Variants in LARGE1 observed in about 807,000 individuals in gnomAD.
The protein encoded by LARGE1 is xylosyl- and glucuronyltransferase LARGE1.
LARGE1 carries 43 observed loss-of-function variants against 87.6 expected under a neutral mutation model. The observed-to-expected ratio is 0.49, with a 90% CI of 0.38 to 0.63. The LOEUF is 0.63. Among genes scored for constraint, LARGE1 ranks in the 30% least tolerant of loss-of-function variants. LARGE1 has a pLI of 0.00. For missense variants in LARGE1, 802 were observed against 1,000.2 expected (o/e 0.80, Z 2.67); for synonymous variants, 434 against 394.6 (o/e 1.10, Z -1.18).
chr22:33,131,023 G>A, the LARGE1 span, among the ~76,000 whole-genome samples: 1 of 94,916 alleles, frequency 1.1e-5, no homozygotes, highest in Non-Finnish European at 1.8e-5. Context: ...GACAGAGCAA[G>A]ACTCCGTCTC....
intron 1 of LARGE1, among the ~76,000 whole-genome samples, chr22:33,822,687 G>A (rs2062674218): frequency 6.6e-6 from 1 of 152,122 alleles, no homozygotes; most frequent in Admixed American, 6.5e-5. Context: ...GACAGAATAA[G>A]GCTCCATCTC....
intron 12 of LARGE1, among the ~76,000 whole-genome samples, chr22:33,294,697 G>A (rs1324469322): frequency 1.3e-5 from 2 of 152,182 alleles, no homozygotes; most frequent in Non-Finnish European, 2.9e-5. Context: ...GGTGGTGGCT[G>A]CCTGTGCATG....
chr22:33,710,913 T>TA (rs1361230531), intron 2 of LARGE1, among the ~76,000 whole-genome samples: 2 of 152,168 alleles, frequency 1.3e-5, no homozygotes. Flanking sequence ...AGTTAAAACT[T>TA]AGAAATTTCC....
At chr22:33,328,074 T>G (rs911464060) in intron 10 of LARGE1, among the ~76,000 whole-genome samples, 1 of 152,114 alleles carries the variant, frequency 6.6e-6, no homozygotes, top group African/African-American at 2.4e-5. Context: ...AAATAAGTCA[T>G]GATTATATTA....
intron 2 of LARGE1, among the ~76,000 whole-genome samples, chr22:33,680,924 G>C (rs2081749049): frequency 6.6e-6 from 1 of 152,168 alleles, no homozygotes; most frequent in Non-Finnish European, 1.5e-5. Flanking sequence ...TTGAAATCCA[G>C]AGTATAAATG....
At chr22:33,665,364 G>A (rs1359481051) in intron 2 of LARGE1, among the ~76,000 whole-genome samples, 1 of 152,086 alleles carries the variant, frequency 6.6e-6, no homozygotes, top group Non-Finnish European at 1.5e-5. Context: ...GTATCTCCAG[G>A]GTCTGGAACC....
intron 6 of LARGE1, among the ~76,000 whole-genome samples, chr22:33,500,348 A>C (rs2070367942): frequency 1.3e-5 from 2 of 152,226 alleles, no homozygotes. Context: ...CAAAGGAATT[A>C]GCAAGGCACT....
In LARGE1 at chr22:33,608,135, T is replaced by C. The variant is rs1174205743; in HGVS notation, c.492-3577A>G. Among the ~76,000 whole-genome samples, 4 of 152,284 alleles carry C rather than the reference T, an allele frequency of 2.6e-5. No individual in the cohort carries two copies. In the South Asian group the frequency reaches 8.3e-4, roughly 32 times the overall value. ...CACGACTGTCTCCCAAGGCCACAGT[T>C]GCCATAATGGATTCTTATTAACGGA... On this transcript the variant is annotated intron_variant, in intron 4 of 14. Coordinates refer to ENST00000397394, the MANE Select transcript of LARGE1 (RefSeq NM_133642.5).
chr22:33,496,605 G>A (rs2070131935), intron 6 of LARGE1, among the ~76,000 whole-genome samples: 1 of 152,086 alleles, frequency 6.6e-6, no homozygotes, highest in Admixed American at 6.5e-5. Context: ...GACCCGTTCT[G>A]TTTACGCTAT....
chr22:33,539,050 T>C (rs1331580291), intron 6 of LARGE1, among the ~76,000 whole-genome samples: 1 of 152,208 alleles, frequency 6.6e-6, no homozygotes, highest in Non-Finnish European at 1.5e-5. Context: ...AGGTCAAGTA[T>C]TGTTTTACGA....
intron 6 of LARGE1, among the ~76,000 whole-genome samples, chr22:33,542,552 A>G (rs957924684): frequency 9.3e-5 from 14 of 150,624 alleles, no homozygotes; most frequent in Non-Finnish European, 1.9e-4. Context: ...TGTTTATTCA[A>G]TAACTAATAT....
chr22:33,800,776 G>A (rs929163984), intron 1 of LARGE1, among the ~76,000 whole-genome samples: 1 of 151,990 alleles, frequency 6.6e-6, no homozygotes, highest in African/African-American at 2.4e-5. Context: ...TATACATTTT[G>A]TTCATTCATT....
At chr22:33,504,843 T>C (rs1240556333) in intron 6 of LARGE1, among the ~76,000 whole-genome samples, 2 of 152,206 alleles carry the variant, frequency 1.3e-5, no homozygotes, top group Non-Finnish European at 2.9e-5. Context: ...ATACCTTAAA[T>C]AGACAATGAT....
intron 1 of LARGE1, among the ~76,000 whole-genome samples, chr22:33,838,123 T>G (rs1429663566): frequency 6.6e-6 from 1 of 152,216 alleles, no homozygotes; most frequent in Non-Finnish European, 1.5e-5. Context: ...TTGATTTTTT[T>G]GGACACTTTA....
At chr22:33,681,365 G>A (rs762182171) in intron 2 of LARGE1, among the ~76,000 whole-genome samples, 12 of 152,176 alleles carry the variant, frequency 7.9e-5, no homozygotes, top group Non-Finnish European at 1.8e-4. Flanking sequence ...AAGGAGTCAA[G>A]GGCCCAACTA....
intron 9 of LARGE1, among the ~76,000 whole-genome samples, chr22:33,379,276 T>TTA (rs1333068024): frequency 0.086 from 12,912 of 149,994 alleles, 683 homozygotes; most frequent in Admixed American, 0.19. Flanking sequence ...TTTTTTTTTT[T>TTA]ATTATACTTT....
At chr22:33,284,446 C>T (rs1445733569) in intron 12 of LARGE1, among the ~76,000 whole-genome samples, 2 of 152,188 alleles carry the variant, frequency 1.3e-5, no homozygotes, top group African/African-American at 2.4e-5. Flanking sequence ...TGGCCTTCCA[C>T]TCTGCTCCTC....
intron 7 of LARGE1, among the ~76,000 whole-genome samples, chr22:33,397,748 T>C (rs142651406): frequency 6.6e-4 from 100 of 152,332 alleles, no homozygotes; most frequent in Non-Finnish European, 1.2e-3. Context: ...TAAGTAGATA[T>C]TGCAAAGTGG....
chr22:33,506,318 C>T (rs1045386032), intron 6 of LARGE1, among the ~76,000 whole-genome samples: 1 of 152,168 alleles, frequency 6.6e-6, no homozygotes, highest in Non-Finnish European at 1.5e-5. Context: ...AATCCCAACT[C>T]TGCACTAGGC....
Sources: allele counts gnomAD v4.1 joint callset (sites outside exome capture counted in the v4.1 genomes callset), GRCh38; gene constraint gnomAD v4.1.1; transcripts MANE v1.5; gene names NCBI Gene and HGNC (gene_info 2026-07-23, HGNC 2026-07-21).